Variants in SOX6 observed in about 807,000 individuals in gnomAD.
The protein encoded by SOX6 is transcription factor SOX-6.
SOX6 carries 11 observed loss-of-function variants against 97.8 expected under a neutral mutation model. The observed-to-expected ratio is 0.11, with a 90% confidence interval of 0.07 to 0.19. SOX6 has a LOEUF of 0.19. Among genes scored for constraint, SOX6 ranks in the 10% least tolerant of loss-of-function variants. The pLI is 1.00. For synonymous variants in SOX6, 360 were observed against 371.4 expected (o/e 0.97, Z 0.35); for missense variants, 810 against 1,039.5 (o/e 0.78, Z 3.04).
At chr11:16,089,035 G>A (rs1324086937) in intron 9 of SOX6, among the ~76,000 whole-genome samples, 2 of 152,158 alleles carry the variant, frequency 1.3e-5, no homozygotes, top group Admixed American at 6.5e-5. Context: ...CCTGTAGCCT[G>A]TTGGTTACAG....
intron 6 of SOX6, among the ~76,000 whole-genome samples, chr11:16,170,124 T>C (rs1850995459): frequency 6.6e-6 from 1 of 152,064 alleles, no homozygotes. Flanking sequence ...ATGAGAGAAA[T>C]TAAGCCCTCA....
chr11:16,510,609 T>C (rs935202265), intron 4 of SOX6, among the ~76,000 whole-genome samples: 1 of 152,156 alleles, frequency 6.6e-6, no homozygotes, highest in African/African-American at 2.4e-5. Context: ...TTGTATAGTA[T>C]ATCAATTTAC....
intron 2 of SOX6, among the ~76,000 whole-genome samples, chr11:16,725,933 A>G (rs1848303475): frequency 6.6e-6 from 1 of 152,230 alleles, no homozygotes; most frequent in South Asian, 2.1e-4. Context: ...GTTAAATATA[A>G]AGTTAATTGT....
chr11:16,449,327 G>A (rs1283768996), intron 1 of SOX6, among the ~76,000 whole-genome samples: 1 of 115,442 alleles, frequency 8.7e-6, no homozygotes, highest in African/African-American at 3.5e-5. Context: ...GAGTCTCGCT[G>A]TGTCGCCCAG....
At chr11:16,731,835 T>G (rs1313870554) in intron 2 of SOX6, among the ~76,000 whole-genome samples, 1 of 152,228 alleles carries the variant, frequency 6.6e-6, no homozygotes, top group Non-Finnish European at 1.5e-5. Context: ...ATTGCATATT[T>G]TGAAAACACC....
intron 4 of SOX6, among the ~76,000 whole-genome samples, chr11:16,579,886 T>G (rs1288297418): frequency 6.6e-6 from 1 of 152,164 alleles, no homozygotes; most frequent in Non-Finnish European, 1.5e-5. Context: ...TCAAAATTAG[T>G]TATAACAATT....
intron 7 of SOX6, among the ~76,000 whole-genome samples, chr11:16,111,320 T>C (rs1849223399): frequency 6.6e-6 from 1 of 152,216 alleles, no homozygotes; most frequent in Admixed American, 6.5e-5. Context: ...AATACTTCAT[T>C]TTTTTAGATG....
intron 3 of SOX6, among the ~76,000 whole-genome samples, chr11:16,678,888 T>C (rs1847904640): frequency 1.3e-5 from 2 of 152,136 alleles, no homozygotes; most frequent in African/African-American, 4.8e-5. Context: ...ATGCTGCAGA[T>C]TGGTGGGGGG....
At chr11:16,476,653 G>A (rs1209800590), upstream of SOX6, among the ~76,000 whole-genome samples, 1 of 151,958 alleles carries the variant, frequency 6.6e-6, no homozygotes, top group Non-Finnish European at 1.5e-5. Context: ...ATACAAATAA[G>A]TAAGAACAAA....
chr11:16,731,099 G>C (rs1312211611), intron 2 of SOX6, among the ~76,000 whole-genome samples: 1 of 152,084 alleles, frequency 6.6e-6, no homozygotes, highest in Admixed American at 6.6e-5. Flanking sequence ...AATTGAGGCA[G>C]TAATTAATAG....
In SOX6 at chr11:16,577,994, A is replaced by G. The variant is rs538526630; in HGVS notation, n.609+34087T>C. Among the ~76,000 whole-genome samples, 15 of 152,234 alleles carry G rather than the reference A, an allele frequency of 9.9e-5. No homozygotes were observed. The Middle Eastern group carries it at 0.014, about 139-fold the overall frequency. On this transcript the variant is annotated intron_variant and non_coding_transcript_variant, in intron 4 of 5. Coordinates refer to the SOX6 transcript ENST00000524520. ...TGTCATATCTAAGAAACTATTGCCT[A>G]TCCAAGATGATGAAAATGTATTCCT...
At chr11:16,630,933 T>A (rs1389708511) in intron 3 of SOX6, among the ~76,000 whole-genome samples, 1 of 152,198 alleles carries the variant, frequency 6.6e-6, no homozygotes, top group Non-Finnish European at 1.5e-5. Flanking sequence ...TCCATGTGCA[T>A]GACAGACCTT....
chr11:16,498,205 T>A (rs1860640873), intron 4 of SOX6, among the ~76,000 whole-genome samples: 1 of 152,128 alleles, frequency 6.6e-6, no homozygotes, highest in Non-Finnish European at 1.5e-5. Flanking sequence ...CAATTTCATA[T>A]CCAGCCAAAC....
chr11:16,269,368 ATTTTCT>A (rs1191740196), intron 3 of SOX6, among the ~76,000 whole-genome samples: 2 of 150,474 alleles, frequency 1.3e-5, no homozygotes, highest in Admixed American at 6.6e-5. Flanking sequence ...TGCATTTGTA[ATTTTCT>A]TTTTAAGTAT....
intron 13 of SOX6, 30 bp downstream of exon 13, chr11:16,014,912 G>A (rs775573958): frequency 1.3e-6 from 2 of 1,582,370 alleles, no homozygotes; most frequent in Non-Finnish European, 1.7e-6. Flanking sequence ...ACATGGAGCA[G>A]CAGAAAAGAA....
chr11:16,114,457 A>T (rs1474302074), intron 6 of SOX6, among the ~76,000 whole-genome samples: 1 of 152,224 alleles, frequency 6.6e-6, no homozygotes, highest in Non-Finnish European at 1.5e-5. Context: ...AGTACCTGAC[A>T]TAAAAGTAAT....
At chr11:16,449,645 A>T (rs1859683807) in intron 1 of SOX6, among the ~76,000 whole-genome samples, 1 of 152,160 alleles carries the variant, frequency 6.6e-6, no homozygotes, top group African/African-American at 2.4e-5. Flanking sequence ...CCTGCCATGT[A>T]TAAGCAGACA....
At chr11:16,192,120 G>A (rs372125364) in intron 4 of SOX6, among the ~76,000 whole-genome samples, 6 of 152,268 alleles carry the variant, frequency 3.9e-5, no homozygotes, top group African/African-American at 7.2e-5. Flanking sequence ...GAAGAGTGCC[G>A]TGATTCTGTA....
chr11:16,011,754 G>C (rs1046754345), intron 13 of SOX6, among the ~76,000 whole-genome samples: 1 of 152,052 alleles, frequency 6.6e-6, no homozygotes, highest in Non-Finnish European at 1.5e-5. Context: ...GTAGACATGG[G>C]GGGAGGGCAT....
Sources: gnomAD v4.1 joint callset for allele counts (sites outside exome capture counted in the v4.1 genomes callset) on GRCh38, gnomAD v4.1.1 for gene constraint, MANE v1.5 for transcripts, NCBI Gene and HGNC (gene_info 2026-07-23, HGNC 2026-07-21) for gene names.